The following B4GALT1 variants were observed in gnomAD, a reference collection of about 807,000 sequenced individuals.
B4GALT1 encodes beta-1,4-galactosyltransferase 1.
A neutral mutation model predicts 34.9 loss-of-function variants in B4GALT1; 16 were observed. The ratio of observed to expected loss-of-function variants is 0.46; its 90% CI spans 0.31 to 0.70. The LOEUF (loss-of-function observed/expected upper bound fraction) is 0.70. Ranked by LOEUF, B4GALT1 falls within the 30% of genes least tolerant of loss-of-function variation. B4GALT1 has a pLI of 0.05. For missense variants in B4GALT1, 445 were observed against 530.5 expected, an observed-to-expected ratio of 0.84 and a Z score of 1.58; for synonymous variants, 221 against 218.1, an observed-to-expected ratio of 1.01 and a Z score of -0.12.
rs773016727 is a variant in B4GALT1 at position 33,167,175 on chromosome 9, C to T, written c.-6G>A. Reference sequence around the variant, plus strand: ...AGCGGCTCCCGAAGCCTCATCTTCCCGCCGCCGCTTTAAGAAGGGTGTGGG... The same window carrying T: ...AGCGGCTCCCGAAGCCTCATCTTCCTGCCGCCGCTTTAAGAAGGGTGTGGG... On this transcript the variant is annotated 5_prime_UTR_variant, in exon 1 of 6. Coordinates refer to ENST00000379731, the MANE Select transcript of B4GALT1 (RefSeq NM_001497.4). The T allele has an allele frequency of 3.3e-5, 53 of 1,594,926 alleles. No homozygotes were observed. In the Admixed American group the frequency reaches 6.7e-4, roughly 20 times the overall value.
the B4GALT1 span, among the ~76,000 whole-genome samples, chr9:33,184,267 C>CACACACAG: frequency 6.6e-6 from 1 of 151,582 alleles, no homozygotes; most frequent in Non-Finnish European, 1.5e-5. Flanking sequence ...CACACACACA[C>CACACACAG]ACACACACAC....
At chr9:33,104,641 G>A in exon 3 of B4GALT1, 1 of 426,662 alleles carries the variant, frequency 2.3e-6, no homozygotes. Flanking sequence ...ATCCTCCTCA[G>A]GTGGCACAGC....
At chr9:33,159,609 C>G (rs778592122) in intron 1 of B4GALT1, among the ~76,000 whole-genome samples, 1 of 152,226 alleles carries the variant, frequency 6.6e-6, no homozygotes, top group Non-Finnish European at 1.5e-5. Flanking sequence ...AACTGAGAAC[C>G]AGGTTCTGCC....
intron 1 of B4GALT1, among the ~76,000 whole-genome samples, chr9:33,163,329 C>T (rs1488888457): frequency 6.6e-6 from 1 of 152,186 alleles, no homozygotes; most frequent in Non-Finnish European, 1.5e-5. Flanking sequence ...CCTCGGGTGC[C>T]CTGGCTACCT....
chr9:33,159,687 C>A (rs940941111), intron 1 of B4GALT1, among the ~76,000 whole-genome samples: 1 of 152,178 alleles, frequency 6.6e-6, no homozygotes, highest in African/African-American at 2.4e-5. Flanking sequence ...TGGCTCCTCC[C>A]TAGATCTCAG....
chr9:33,150,723 T>C (rs1023264764), intron 1 of B4GALT1, among the ~76,000 whole-genome samples: 4 of 152,168 alleles, frequency 2.6e-5, no homozygotes, highest in African/African-American at 9.7e-5. Context: ...AATTTTATTG[T>C]AGGTTAATCT....
intron 1 of B4GALT1, among the ~76,000 whole-genome samples, chr9:33,148,280 C>T (rs1840458149): frequency 6.6e-6 from 1 of 152,064 alleles, no homozygotes; most frequent in Non-Finnish European, 1.5e-5. Flanking sequence ...CAGAGAAAAA[C>T]AAGTTAAAAC....
intron 4 of B4GALT1, 118 bp downstream of exon 4, chr9:33,115,873 G>A: frequency 1.5e-6 from 2 of 1,334,786 alleles, no homozygotes; most frequent in Non-Finnish European, 2.1e-6. Flanking sequence ...TAAGAATGTG[G>A]GCTGACTAGG....
chr9:33,150,540 A>C (rs2118243806), intron 1 of B4GALT1, among the ~76,000 whole-genome samples: 1 of 152,308 alleles, frequency 6.6e-6, no homozygotes, highest in Admixed American at 6.5e-5. Flanking sequence ...AAAAAGACAA[A>C]ACAATAGTAA....
chr9:33,161,596 G>T (rs1412248097), intron 1 of B4GALT1, among the ~76,000 whole-genome samples: 1 of 152,198 alleles, frequency 6.6e-6, no homozygotes. Context: ...GGGTCTGGCT[G>T]GCTGGCCTTA....
intron 1 of B4GALT1, among the ~76,000 whole-genome samples, chr9:33,142,942 C>T (rs1371720584): frequency 1.3e-5 from 2 of 151,972 alleles, no homozygotes; most frequent in South Asian, 2.1e-4. Context: ...GTCAGGAGTT[C>T]GAGACCAGCC....
chr9:33,107,537 C>G (rs1839807263), downstream of B4GALT1, among the ~76,000 whole-genome samples: 1 of 152,212 alleles, frequency 6.6e-6, no homozygotes, highest in African/African-American at 2.4e-5. Flanking sequence ...GCCCCTTGGC[C>G]CTGCCTCCAA....
intron 2 of B4GALT1, among the ~76,000 whole-genome samples, chr9:33,127,287 T>C (rs1840126850): frequency 6.6e-6 from 1 of 152,090 alleles, no homozygotes; most frequent in African/African-American, 2.4e-5. Context: ...TAAACCCAGC[T>C]CCAAGGAGCC....
chr9:33,128,401 A>G (rs987309763), intron 2 of B4GALT1, among the ~76,000 whole-genome samples: 1 of 152,178 alleles, frequency 6.6e-6, no homozygotes, highest in African/African-American at 2.4e-5. Flanking sequence ...ATTCCTTGTC[A>G]CAGAGTCATG....
intron 1 of B4GALT1, among the ~76,000 whole-genome samples, chr9:33,143,384 T>C (rs1840381189): frequency 6.6e-6 from 1 of 152,356 alleles, no homozygotes; most frequent in South Asian, 2.1e-4. Context: ...CTGACCTCAG[T>C]GGAACTGCCA....
intron 1 of B4GALT1, among the ~76,000 whole-genome samples, chr9:33,139,529 C>A (rs1840318222): frequency 6.6e-6 from 1 of 152,202 alleles, no homozygotes; most frequent in Non-Finnish European, 1.5e-5. Flanking sequence ...ACAGCAGCCC[C>A]AGACCTGGCG....
intron 1 of B4GALT1, among the ~76,000 whole-genome samples, chr9:33,162,745 A>G (rs755904307): frequency 6.6e-6 from 1 of 152,198 alleles, no homozygotes; most frequent in Non-Finnish European, 1.5e-5. Flanking sequence ...AGGAGTTTCC[A>G]TTTGGTTCAT....
intron 2 of B4GALT1, among the ~76,000 whole-genome samples, chr9:33,132,108 A>G (rs1256514026): frequency 1.3e-5 from 2 of 152,150 alleles, no homozygotes; most frequent in South Asian, 2.1e-4. Flanking sequence ...AGAGAAAAAA[A>G]AGTATGAGGA....
At chr9:33,109,712 A>C (rs1331550314), downstream of B4GALT1, among the ~76,000 whole-genome samples, 4 of 152,222 alleles carry the variant, frequency 2.6e-5, no homozygotes, top group Non-Finnish European at 5.9e-5. Flanking sequence ...CAGTCTTGTG[A>C]GACTGAGCCC....
Sources: gnomAD v4.1 joint callset for allele counts (sites outside exome capture counted in the v4.1 genomes callset) on GRCh38, gnomAD v4.1.1 for gene constraint, MANE v1.5 for transcripts, NCBI Gene and HGNC (gene_info 2026-07-23, HGNC 2026-07-21) for gene names.